The following NAV1 variants were observed in gnomAD, a reference collection of about 807,000 sequenced individuals.
NAV1 encodes neuron navigator 1.
NAV1 carries 18 observed loss-of-function variants against 175.2 expected under a neutral mutation model. The ratio of observed to expected loss-of-function variants is 0.10; its 90% CI spans 0.07 to 0.15. The LOEUF (loss-of-function observed/expected upper bound fraction) is 0.15. Ranked by LOEUF, NAV1 falls within the 10% of genes least tolerant of loss-of-function variation. The probability of loss-of-function intolerance (pLI) is 1.00; values close to 1 mark genes in which losing one functional copy is unlikely to be tolerated. For synonymous variants in NAV1, 897 were observed against 978.7 expected (o/e 0.92, Z 1.56); for missense variants, 1,731 against 2,436.6 (o/e 0.71, Z 6.10).
intron 3 of NAV1, among the ~76,000 whole-genome samples, chr1:201,737,996 TG>T (rs1323958745): frequency 6.6e-6 from 1 of 151,842 alleles, no homozygotes; most frequent in Non-Finnish European, 1.5e-5. Context: ...TTTCGGGTGG[TG>T]GTGAGGATGG....
chr1:201,582,082 T>C lies in NAV1; in HGVS notation c.-143-6457T>C, dbSNP rs971475322. 4.6e-5 allele frequency among the ~76,000 whole-genome samples: 7 copies of C among 152,044 alleles called. 1 individual carries two copies. The South Asian group carries it at 1.2e-3, about 27-fold the overall frequency. On this transcript the variant is annotated intron_variant, in intron 1 of 33. Transcript: ENST00000685211. ...CTGCACTCCAGACTGGGTGACAGAGTGAGACTCCGTCTCAAACAAACAAAC... is the reference window on the plus strand; with the variant it reads ...CTGCACTCCAGACTGGGTGACAGAGCGAGACTCCGTCTCAAACAAACAAAC...
intron 2 of NAV1, among the ~76,000 whole-genome samples, chr1:201,601,437 C>T (rs1667508402): frequency 6.6e-6 from 1 of 152,120 alleles, no homozygotes; most frequent in Non-Finnish European, 1.5e-5. Context: ...GAGCTGTGAT[C>T]ACACCACTGT....
exon 30 of NAV1, chr1:201,824,869 ACT>A (rs1558209164): frequency 6.8e-6 from 1 of 147,866 alleles, no homozygotes; most frequent in Non-Finnish European, 1.5e-5. Flanking sequence ...TGAATCAGAA[ACT>A]CTAATGAGAG....
intron 3 of NAV1, among the ~76,000 whole-genome samples, chr1:201,760,100 T>G (rs1674747829): frequency 6.6e-6 from 1 of 152,170 alleles, no homozygotes; most frequent in Non-Finnish European, 1.5e-5. Flanking sequence ...AATTAGGAAA[T>G]CTAGCCAAGC....
At position 201,604,118 on chromosome 1, in the gene NAV1, C is replaced by T. The variant is rs557593306; in HGVS notation, c.-33+15469C>T. Among the ~76,000 whole-genome samples, 4 of 152,242 alleles carry T rather than the reference C, an allele frequency of 2.6e-5. No homozygotes were observed. In the South Asian group the frequency reaches 8.3e-4, roughly 32 times the overall value. ...GTCACCAGGCTGGAGTGCAGTGGCA[C>T]GATCACTGCTCACTGCAGCCCTGAC... On this transcript the variant is annotated intron_variant, in intron 2 of 33. Transcript: ENST00000685211.
intron 3 of NAV1, among the ~76,000 whole-genome samples, chr1:201,734,493 G>GAGAAAGAGAAGAAGAAGA (rs1673014109): frequency 1.4e-5 from 1 of 71,628 alleles, no homozygotes; most frequent in Non-Finnish European, 2.6e-5. Flanking sequence ...GAGGAAGAAG[G>GAGAAAGAGAAGAAGAAGA]AGAAGGAGAA....
At chr1:201,641,930 CCCT>C (rs932119097) in intron 2 of NAV1, among the ~76,000 whole-genome samples, 1 of 151,836 alleles carries the variant, frequency 6.6e-6, no homozygotes, top group African/African-American at 2.4e-5. Context: ...TTCCCTCCCT[CCCT>C]CCTTTCTTTC....
intron 1 of NAV1, among the ~76,000 whole-genome samples, chr1:201,543,513 T>A (rs1337707872): frequency 2.7e-5 from 4 of 149,156 alleles, no homozygotes; most frequent in East Asian, 1.9e-4. Context: ...TTTTTTTTTT[T>A]ATCTGCAAAG....
rs200722699 is a variant in NAV1 at position 201,811,766 on chromosome 1, G to A, written c.4952+9G>A. 2.3e-4 allele frequency: 366 copies of A among 1,603,292 alleles called. No individual in the cohort carries two copies. Among genetic ancestry groups the A allele is most frequent in the Non-Finnish European group, 2.8e-4 (328 of 1,174,146 alleles). ...TGCAAGTATCATAAATGGTAAGTAA[G>A]CTGGGATCAAGACAAAATTCATCGA... On this transcript the variant is annotated intron_variant, in intron 25 of 29. Transcript: ENST00000367296.
intron 3 of NAV1, among the ~76,000 whole-genome samples, chr1:201,734,712 A>T (rs767428039): frequency 4.7e-4 from 71 of 152,052 alleles, no homozygotes; most frequent in Non-Finnish European, 2.5e-4. Context: ...AAACACACAC[A>T]CACTCACACA....
intron 1 of NAV1, among the ~76,000 whole-genome samples, chr1:201,588,040 C>T (rs1667084071): frequency 6.6e-6 from 1 of 152,204 alleles, no homozygotes; most frequent in Non-Finnish European, 1.5e-5. Flanking sequence ...AGATGAGATA[C>T]ACTTGAGCCA....
intron 1 of NAV1, among the ~76,000 whole-genome samples, chr1:201,710,231 T>C: frequency 6.6e-6 from 1 of 151,998 alleles, no homozygotes. Flanking sequence ...TCATGGGTTT[T>C]TGGAAATTTT....
At chr1:201,751,315 T>G (rs999709831) in intron 3 of NAV1, among the ~76,000 whole-genome samples, 2 of 152,190 alleles carry the variant, frequency 1.3e-5, no homozygotes, top group Non-Finnish European at 2.9e-5. Flanking sequence ...CCAGCCCAGG[T>G]TGGAGCACAT....
chr1:201,730,345 G>T (rs1672801651), intron 3 of NAV1, among the ~76,000 whole-genome samples: 1 of 152,192 alleles, frequency 6.6e-6, no homozygotes, highest in African/African-American at 2.4e-5. Context: ...ATAACTCAAA[G>T]TGGCCCCACC....
chr1:201,809,062 C>A, intron 20 of NAV1, 102 bp from the exon 25 acceptor site: 1 of 1,357,884 alleles, frequency 7.4e-7, no homozygotes, highest in Non-Finnish European at 1.0e-6. Flanking sequence ...TCCATTCCTT[C>A]TCTGTGGCAA....
intron 13 of NAV1, chr1:201,791,607 G>A (rs372125901): frequency 2.6e-5 from 4 of 152,194 alleles, no homozygotes; most frequent in African/African-American, 4.8e-5. Flanking sequence ...TGCAATTTCC[G>A]CAGTAGTTTC....
intron 1 of NAV1, among the ~76,000 whole-genome samples, chr1:201,665,847 T>C (rs1364921854): frequency 1.3e-5 from 2 of 151,812 alleles, no homozygotes; most frequent in Non-Finnish European, 2.9e-5. Flanking sequence ...ATCTCTCAAT[T>C]ATCTGTGCTA....
At chr1:201,707,005 T>C (rs1671698383) in intron 1 of NAV1, among the ~76,000 whole-genome samples, 1 of 152,094 alleles carries the variant, frequency 6.6e-6, no homozygotes, top group Admixed American at 6.6e-5. Flanking sequence ...ACCCCTGAGG[T>C]TCACGATACT....
At chr1:201,790,402 C>A in intron 11 of NAV1, 152 bp from the exon 16 acceptor site, 2 of 805,468 alleles carry the variant, frequency 2.5e-6, no homozygotes, top group Non-Finnish European at 4.1e-6. Context: ...CTGTGAGGAG[C>A]CAGGGCCAGG....
Sources: allele counts gnomAD v4.1 joint callset (sites outside exome capture counted in the v4.1 genomes callset), GRCh38; gene constraint gnomAD v4.1.1; transcripts MANE v1.5; gene names NCBI Gene and HGNC (gene_info 2026-07-23, HGNC 2026-07-21).